The following LRIG1 variants were observed in gnomAD, a reference collection of about 807,000 sequenced individuals.
LRIG1 encodes leucine-rich repeats and immunoglobulin-like domains protein 1.
A neutral mutation model predicts 99.2 loss-of-function variants in LRIG1; 48 were observed. That is an observed-to-expected ratio of 0.48 (90% confidence interval 0.38 to 0.62). The LOEUF is 0.62. Ranked by LOEUF, LRIG1 falls within the 20% of genes least tolerant of loss-of-function variation. The pLI, the probability that LRIG1 is intolerant of heterozygous loss-of-function variation, is 0.00. For synonymous variants in LRIG1, 772 were observed against 596.1 expected (o/e 1.29, Z -4.30); for missense variants, 1,646 against 1,434.4 (o/e 1.15, Z -2.38).
intron 6 of LRIG1, 62 bp downstream of exon 6, chr3:66,412,809 G>C (rs1048826724): frequency 6.3e-7 from 1 of 1,583,970 alleles, no homozygotes; most frequent in Admixed American, 1.7e-5. Context: ...ACACACACAC[G>C]CCACATCACA....
chr3:66,386,063 G>A lies in LRIG1; in HGVS notation c.1707C>T (p.Phe569=), dbSNP rs139385386. 1.6e-4 allele frequency: 256 copies of A among 1,614,204 alleles called. 1 individual carries two copies. Among genetic ancestry groups the A allele is most frequent in the African/African-American group, 9.5e-4 (71 of 75,056 alleles). Residue 569 remains phenylalanine (F), a synonymous_variant, in exon 13 of 19, where the codon TTC becomes TTT. Transcript: ENST00000273261. ...TTILHLRQVT[F]GHEGRYQCVI... Reference sequence around the variant, plus strand: ...CACATTGGTAGCGGCCCTCGTGCCCGAAAGTGACCTGACGGAGGTGCAGGA... The same window carrying A: ...CACATTGGTAGCGGCCCTCGTGCCCAAAAGTGACCTGACGGAGGTGCAGGA...
intron 1 of LRIG1, among the ~76,000 whole-genome samples, chr3:66,491,016 C>T (rs1332178447): frequency 6.6e-6 from 1 of 152,188 alleles, no homozygotes; most frequent in African/African-American, 2.4e-5. Context: ...TAAAATAAAA[C>T]AAACCATGCA....
At chr3:66,482,804 T>C (rs1260211548) in intron 1 of LRIG1, among the ~76,000 whole-genome samples, 1 of 152,200 alleles carries the variant, frequency 6.6e-6, no homozygotes. Flanking sequence ...AAGCACATTT[T>C]AAAAACTGCT....
intron 1 of LRIG1, among the ~76,000 whole-genome samples, chr3:66,466,943 C>T (rs1027563589): frequency 6.6e-6 from 1 of 152,216 alleles, no homozygotes; most frequent in East Asian, 1.9e-4. Flanking sequence ...ATTGTCATAA[C>T]ACAAATTTTC....
intron 1 of LRIG1, among the ~76,000 whole-genome samples, chr3:66,499,803 G>A (rs1423232466): frequency 1.3e-5 from 2 of 151,602 alleles, no homozygotes; most frequent in East Asian, 1.9e-4. Flanking sequence ...TACCCCCACA[G>A]ACTTCTTCAC....
chr3:66,466,385 G>T (rs1233175230), intron 1 of LRIG1, among the ~76,000 whole-genome samples: 1 of 152,154 alleles, frequency 6.6e-6, no homozygotes, highest in Admixed American at 6.5e-5. Context: ...TCCCATGTAT[G>T]TATATACCAC....
chr3:66,381,777 G>T (rs371199427), intron 16 of LRIG1, 146 bp from the exon 17 acceptor site: 3 of 858,472 alleles, frequency 3.5e-6, no homozygotes, highest in Admixed American at 2.5e-5. Flanking sequence ...GGCAAGCAGC[G>T]TGTTTTCTGC....
chr3:66,453,835 T>C (rs948616971), intron 2 of LRIG1, among the ~76,000 whole-genome samples: 3 of 152,236 alleles, frequency 2.0e-5, no homozygotes, highest in Non-Finnish European at 1.5e-5. Flanking sequence ...ACAAAGCGTA[T>C]GGACTTCTCT....
chr3:66,494,642 A>G (rs528860609), intron 1 of LRIG1, among the ~76,000 whole-genome samples: 1 of 152,388 alleles, frequency 6.6e-6, no homozygotes, highest in African/African-American at 2.4e-5. Context: ...AAAACCATTG[A>G]TAACAAATTA....
intron 3 of LRIG1, among the ~76,000 whole-genome samples, chr3:66,438,502 G>A (rs768559049): frequency 6.0e-4 from 92 of 152,172 alleles, no homozygotes; most frequent in Non-Finnish European, 1.1e-3. Flanking sequence ...GAAGTGTTTT[G>A]TGAAACGTCC....
intron 1 of LRIG1, among the ~76,000 whole-genome samples, chr3:66,495,113 C>CT (rs1701197404): frequency 6.6e-6 from 1 of 152,192 alleles, no homozygotes; most frequent in Admixed American, 6.5e-5. Context: ...AACCACATAA[C>CT]TGACATACAA....
intron 1 of LRIG1, chr3:66,498,334 C>A (rs1701274516): frequency 6.6e-6 from 1 of 151,952 alleles, no homozygotes; most frequent in Non-Finnish European, 1.5e-5. Flanking sequence ...CAACAGAAAG[C>A]CTAAAGAAAT....
Position 66,398,175 on chromosome 3 carries a change from C to G in LRIG1, c.1241G>C (p.Gly414Ala). Residue 414 changes from glycine to alanine, a missense_variant, in exon 11 of 19, where the codon GGA becomes GCA. Gly to Ala is a moderately conservative substitution (Grantham distance 60, BLOSUM62 0). Transcript: ENST00000273261. ...CTGGACAGATCTGATCGCATTCCCT[C>G]CAAGGTTCCTGAAACAGAACATACA... ...GLEGLEHLNL[G>A]GNAIRSVQFD... 6.2e-7 allele frequency: 1 copy of G among 1,613,798 alleles called. No homozygotes were observed. The highest frequency in any genetic ancestry group is 8.5e-7 in the Non-Finnish European group (1 of 1,179,686).
intron 5 of LRIG1, among the ~76,000 whole-genome samples, chr3:66,413,376 G>T (rs891511105): frequency 5.3e-5 from 8 of 152,216 alleles, no homozygotes; most frequent in African/African-American, 1.9e-4. Context: ...GACTCAAGGG[G>T]TGAATGTCTT....
Position 66,381,629 on chromosome 3 carries a change from C to A in LRIG1, c.2620G>T (p.Val874Leu). 2.5e-6 allele frequency: 4 copies of A among 1,612,784 alleles called. No individual in the cohort carries two copies. The highest frequency in any genetic ancestry group is 3.4e-6 in the Non-Finnish European group (4 of 1,178,896). ...QANGHIESNG[V>L]CPRDASHFPE... ...AAGTGGCTTGCATCTCTTGGACACA[C>A]ACCTGCAAGTGGATTCCAACACGAT... The change falls in exon 17 of 19, where the codon GTG becomes TTG. Residue 874 changes from valine to leucine, a missense_variant and splice_region_variant. Transcript: ENST00000273261.
intron 17 of LRIG1, 48 bp from the exon 18 acceptor site, chr3:66,380,909 T>A: frequency 6.3e-7 from 1 of 1,587,748 alleles, no homozygotes; most frequent in Non-Finnish European, 8.6e-7. Context: ...TGTGGGAGTC[T>A]TCGTCCCCAC....
chr3:66,380,788 G>A lies in LRIG1; in HGVS notation c.2844C>T (p.His948=), dbSNP rs1701004178. The change falls in exon 18 of 19, where the codon CAC becomes CAT. Residue 948 remains histidine, a synonymous_variant. Transcript: ENST00000273261. The part of the protein sequence containing the change: ...VDCYSRGQAF[H]PQPVSRDSAQ... The stretch of plus-strand genomic sequence containing the variant: ...CGCTGTCTCTGGACACAGGCTGGGG[G>A]TGGAAGGCTTGTCCCCTGGAGTAAC... The A allele has an allele frequency of 1.9e-6, 3 of 1,614,230 alleles. No individual in the cohort carries two copies. The highest frequency in any genetic ancestry group is 2.2e-5 in the East Asian group (1 of 44,874).
In LRIG1 at chr3:66,405,280, T is replaced by TG. The variant is rs770696414; in HGVS notation, c.1080-3dup. 1 of 1,613,060 alleles carries TG rather than the reference T, an allele frequency of 6.2e-7. No individual in the cohort carries two copies. Among genetic ancestry groups the TG allele is most frequent in the South Asian group, 1.1e-5 (1 of 91,054 alleles). On this transcript the variant is annotated splice_region_variant and splice_polypyrimidine_tract_variant and intron_variant, in intron 8 of 18. Transcript: ENST00000273261. ...GAAATCTCGTTATGGTCCAGATCCC[T>TG]GGGGAGAGGACAGAAAGCAGCTCAC...
At chr3:66,391,610 T>TG (rs949480162) in intron 12 of LRIG1, among the ~76,000 whole-genome samples, 9 of 152,256 alleles carry the variant, frequency 5.9e-5, no homozygotes, top group African/African-American at 2.2e-4. Flanking sequence ...ATCAAGGGCC[T>TG]GGGGGCAGAG....
Sources: gnomAD v4.1 joint callset for allele counts (sites outside exome capture counted in the v4.1 genomes callset) on GRCh38, gnomAD v4.1.1 for gene constraint, MANE v1.5 for transcripts, NCBI Gene and HGNC (gene_info 2026-07-23, HGNC 2026-07-21) for gene names.